The following SLC5A8 variants were observed in gnomAD, a reference collection of about 807,000 sequenced individuals.
The protein encoded by SLC5A8 is sodium-coupled monocarboxylate transporter 1.
A neutral mutation model predicts 71.9 loss-of-function variants in SLC5A8; 55 were observed. The ratio of observed to expected loss-of-function variants is 0.77; its 90% CI spans 0.62 to 0.96. SLC5A8 has a LOEUF of 0.96. Among genes scored for constraint, SLC5A8 ranks in the 40% least tolerant of loss-of-function variants. The probability of loss-of-function intolerance (pLI) is 0.00; values close to 1 mark genes in which losing one functional copy is unlikely to be tolerated. For missense variants in SLC5A8, 701 were observed against 745.3 expected (o/e 0.94, Z 0.69); for synonymous variants, 307 against 276.1 (o/e 1.11, Z -1.11).
At chr12:101,170,119 G>A (rs2137129729) in intron 10 of SLC5A8, among the ~76,000 whole-genome samples, 1 of 152,278 alleles carries the variant, frequency 6.6e-6, no homozygotes, top group South Asian at 2.1e-4. Context: ...GCGTGTTGAA[G>A]ACAGTGAGGT....
At chr12:101,161,342 G>T (rs1480593912) in intron 13 of SLC5A8, among the ~76,000 whole-genome samples, 1 of 152,102 alleles carries the variant, frequency 6.6e-6, no homozygotes, top group African/African-American at 2.4e-5. Context: ...AGGAACAGGG[G>T]CTAAGAGAAT....
Position 101,177,821 on chromosome 12 carries a change from G to A in SLC5A8, c.1233+2208C>T, listed in dbSNP as rs548427498. Among the ~76,000 whole-genome samples the A allele has an allele frequency of 1.2e-4, 18 of 152,256 alleles. No homozygotes were observed. In the South Asian group the frequency reaches 3.5e-3, roughly 30 times the overall value. ...TAGAGAGTTTCCTGTTCACATTGGGGAACTGGGTAAGGATTTCCACTCTCA... is the reference window on the plus strand; with the variant it reads ...TAGAGAGTTTCCTGTTCACATTGGGAAACTGGGTAAGGATTTCCACTCTCA... On this transcript the variant is annotated intron_variant, in intron 10 of 14. Transcript: ENST00000536262.
chr12:101,169,423 G>C (rs568457721), intron 10 of SLC5A8, among the ~76,000 whole-genome samples: 1 of 152,316 alleles, frequency 6.6e-6, no homozygotes, highest in East Asian at 1.9e-4. Flanking sequence ...AGCAAATTCT[G>C]TATGACTGGC....
At position 101,157,183 on chromosome 12, in the gene SLC5A8, AACACAC is replaced by A. The variant is rs55796436; in HGVS notation, c.*90_*95del. On this transcript the variant is annotated 3_prime_UTR_variant, in exon 15 of 15. Transcript: ENST00000536262. ...CTTATCCCCCAAACACTCATGATACAACACACACACACACACAAAGAAAACCTGATC... is the reference window on the plus strand; with the variant it reads ...CTTATCCCCCAAACACTCATGATACAACACACACACAAAGAAAACCTGATC... 2.2e-6 allele frequency: 3 copies of A among 1,391,716 alleles called. No individual in the cohort carries two copies. Among genetic ancestry groups the A allele is most frequent in the Non-Finnish European group, 2.9e-6 (3 of 1,031,580 alleles). The allele number at this position is 1,391,716 out of a possible 1,614,324, so 86.2% of individuals were successfully genotyped here.
At chr12:101,158,374 A>G (rs755036158) in intron 13 of SLC5A8, 46 bp from the exon 14 acceptor site, 1 of 1,219,548 alleles carries the variant, frequency 8.2e-7, no homozygotes, top group South Asian at 1.3e-5. Flanking sequence ...AAAGGACACC[A>G]GTAACTACAC....
intron 3 of SLC5A8, among the ~76,000 whole-genome samples, chr12:101,200,788 G>T (rs1177628025): frequency 1.3e-5 from 2 of 152,086 alleles, no homozygotes; most frequent in African/African-American, 4.8e-5. Context: ...ATAGAGTGAT[G>T]AATGAGCACA....
chr12:101,206,059 G>A lies in SLC5A8; in HGVS notation c.352-1494C>T, dbSNP rs2137172887. Among the ~76,000 whole-genome samples the A allele has an allele frequency of 2.0e-5, 3 of 152,160 alleles. No homozygotes were observed. The Middle Eastern group carries it at 0.01, about 518-fold the overall frequency. Reference sequence around the variant, plus strand: ...CAGGTTCTTTCTCTTTAAAATGAGGGGCATAATAATAATTTGTTTCCCTCT... The same window carrying A: ...CAGGTTCTTTCTCTTTAAAATGAGGAGCATAATAATAATTTGTTTCCCTCT... On this transcript the variant is annotated intron_variant, in intron 1 of 14. Coordinates refer to ENST00000536262, the MANE Select transcript of SLC5A8 (RefSeq NM_145913.5).
intron 5 of SLC5A8, among the ~76,000 whole-genome samples, chr12:101,193,130 C>A (rs1868993744): frequency 6.6e-6 from 1 of 152,084 alleles, no homozygotes; most frequent in Non-Finnish European, 1.5e-5. Context: ...TGCCACCACA[C>A]CTGGCTAATT....
At chr12:101,193,831 C>T in intron 4 of SLC5A8, 52 bp from the exon 5 acceptor site, 1 of 1,573,032 alleles carries the variant, frequency 6.4e-7, no homozygotes, top group South Asian at 1.1e-5. Context: ...CATTATTAAG[C>T]ATCTACACAC....
At position 101,166,658 on chromosome 12, in the gene SLC5A8, T is replaced by C. The variant is rs141564311; in HGVS notation, c.1362A>G (p.Leu454=). ...ATATTTGAGCTCCAATTCCAACCCA[T>C]AGAGAAATGGCAAATCCAGCCATCA... ...VGLMAGFAIS[L]WVGIGAQIYP... is the part of the protein sequence containing the mutation. Residue 454 remains leucine (L), a synonymous_variant, in exon 12 of 15, where the codon CTA becomes CTG. Transcript: ENST00000536262. The C allele has an allele frequency of 1.0e-3, 1,677 of 1,612,908 alleles. 2 individuals carry two copies. Among genetic ancestry groups the C allele is most frequent in the Non-Finnish European group, 1.3e-3 (1,543 of 1,179,666 alleles).
chr12:101,166,963 G>A (rs2051778874), intron 11 of SLC5A8, among the ~76,000 whole-genome samples: 1 of 151,908 alleles, frequency 6.6e-6, no homozygotes, highest in African/African-American at 2.4e-5. Context: ...CAGATAATCT[G>A]CTGGTGAAAA....
chr12:101,209,464 G>A (rs1482643082), intron 1 of SLC5A8, 34 bp downstream of exon 1: 2 of 1,501,136 alleles, frequency 1.3e-6, no homozygotes, highest in Admixed American at 4.1e-5. Context: ...CTTCCCCCGC[G>A]CCCTGCATGG....
At chr12:101,167,515 T>C (rs925747313) in intron 11 of SLC5A8, among the ~76,000 whole-genome samples, 2 of 152,222 alleles carry the variant, frequency 1.3e-5, no homozygotes, top group African/African-American at 4.8e-5. Context: ...TTCTAGCTCA[T>C]TTATTCCAAA....
intron 6 of SLC5A8, among the ~76,000 whole-genome samples, chr12:101,188,953 G>A (rs751641943): frequency 5.9e-5 from 9 of 152,190 alleles, no homozygotes; most frequent in Non-Finnish European, 1.2e-4. Flanking sequence ...ATCAATGTCA[G>A]TAGGTCTTGG....
At chr12:101,189,443 T>C (rs781480357) in intron 6 of SLC5A8, among the ~76,000 whole-genome samples, 2 of 152,196 alleles carry the variant, frequency 1.3e-5, no homozygotes, top group Non-Finnish European at 2.9e-5. Flanking sequence ...CATTTTCTCC[T>C]TTAAATAGAA....
At chr12:101,194,229 T>G (rs772887574) in intron 4 of SLC5A8, among the ~76,000 whole-genome samples, 1 of 152,220 alleles carries the variant, frequency 6.6e-6, no homozygotes, top group African/African-American at 2.4e-5. Context: ...ATAAGTGATC[T>G]GTACTAGCCA....
intron 12 of SLC5A8, 117 bp from the exon 13 acceptor site, chr12:101,162,194 T>C: frequency 4.5e-6 from 3 of 673,260 alleles, no homozygotes; most frequent in South Asian, 4.1e-5. Flanking sequence ...GTTTTTAATG[T>C]CATAACCTGC....
chr12:101,200,000 T>A (rs1266333489), intron 3 of SLC5A8, among the ~76,000 whole-genome samples: 1 of 22,624 alleles, frequency 4.4e-5, no homozygotes, highest in East Asian at 1.1e-3. Flanking sequence ...TAAAATGAAG[T>A]ACTACCAGCA....
At chr12:101,170,321 G>A (rs2051817029) in intron 10 of SLC5A8, among the ~76,000 whole-genome samples, 1 of 152,110 alleles carries the variant, frequency 6.6e-6, no homozygotes, top group Non-Finnish European at 1.5e-5. Flanking sequence ...TTCTACTTCT[G>A]AGAAGATAAA....
Sources: gnomAD v4.1 joint callset for allele counts (sites outside exome capture counted in the v4.1 genomes callset) on GRCh38, gnomAD v4.1.1 for gene constraint, MANE v1.5 for transcripts, NCBI Gene and HGNC (gene_info 2026-07-23, HGNC 2026-07-21) for gene names.